The following ANO1 variants were observed in gnomAD, a reference collection of about 807,000 sequenced individuals.
The protein encoded by ANO1 is anoctamin 1, also known as anoctamin-1.
Under a neutral mutation model 124.0 loss-of-function variants are expected in ANO1, and 59 were observed. The ratio of observed to expected loss-of-function variants is 0.48; its 90% CI spans 0.39 to 0.59. The LOEUF (loss-of-function observed/expected upper bound fraction) is 0.59. Ranked by LOEUF, ANO1 falls within the 20% of genes least tolerant of loss-of-function variation. ANO1 has a pLI of 0.00. For missense variants in ANO1, 1,059 were observed against 1,328.0 expected, an observed-to-expected ratio of 0.80 and a Z score of 3.15; for synonymous variants, 529 against 532.0, an observed-to-expected ratio of 0.99 and a Z score of 0.08.
intron 19 of ANO1, among the ~76,000 whole-genome samples, chr11:70,163,911 C>G (rs916536835): frequency 6.7e-6 from 1 of 149,894 alleles, no homozygotes; most frequent in Non-Finnish European, 1.5e-5. Context: ...GCACTTCATC[C>G]TGGGTGACAG....
chr11:70,181,847 C>T (rs2048941141), intron 23 of ANO1, among the ~76,000 whole-genome samples: 1 of 151,982 alleles, frequency 6.6e-6, no homozygotes, highest in African/African-American at 2.4e-5. Context: ...ACCTTCTAAG[C>T]TCTTTCCACA....
chr11:69,997,309 ACAGT>A (rs2120339146), intron 1 of ANO1, among the ~76,000 whole-genome samples: 1 of 151,176 alleles, frequency 6.6e-6, no homozygotes, highest in East Asian at 2.0e-4. Context: ...ATAAAATATT[ACAGT>A]CAGTTTATAT....
At chr11:70,054,961 G>A (rs1455626223) in intron 1 of ANO1, among the ~76,000 whole-genome samples, 1 of 152,140 alleles carries the variant, frequency 6.6e-6, no homozygotes, top group Non-Finnish European at 1.5e-5. Flanking sequence ...ATATTTTCAT[G>A]AAATCCAGTT....
intron 1 of ANO1, among the ~76,000 whole-genome samples, chr11:70,060,929 A>G (rs1253453476): frequency 6.6e-6 from 1 of 152,206 alleles, no homozygotes; most frequent in African/African-American, 2.4e-5. Flanking sequence ...GAATGGGGAA[A>G]AAACTTAGGG....
intron 22 of ANO1, among the ~76,000 whole-genome samples, chr11:70,171,378 TTG>T (rs1171040064): frequency 9.0e-6 from 1 of 111,308 alleles, no homozygotes; most frequent in Non-Finnish European, 2.0e-5. Context: ...CCTGTAGCAA[TTG>T]TGTGACCCCC....
intron 1 of ANO1, among the ~76,000 whole-genome samples, chr11:70,007,837 G>A (rs1856522611): frequency 6.6e-6 from 1 of 152,148 alleles, no homozygotes; most frequent in Non-Finnish European, 1.5e-5. Context: ...CCACTGCAGT[G>A]ACATTACTTT....
chr11:70,103,279 G>A, intron 3 of ANO1, 115 bp downstream of exon 3: 1 of 815,152 alleles, frequency 1.2e-6, no homozygotes, highest in South Asian at 1.8e-5. Flanking sequence ...AAAAAACCCA[G>A]TGGGCTTCAC....
chr11:70,079,674 C>G (rs867470083), intron 1 of ANO1, among the ~76,000 whole-genome samples: 17 of 152,118 alleles, frequency 1.1e-4, no homozygotes, highest in African/African-American at 3.6e-4. Flanking sequence ...CATGCAGACC[C>G]CATCAAAGCC....
intron 18 of ANO1, 96 bp from the exon 19 acceptor site, chr11:70,163,187 C>T: frequency 7.6e-7 from 1 of 1,316,200 alleles, no homozygotes; most frequent in South Asian, 1.4e-5. Context: ...GCTCAGCCTG[C>T]AGGACTCACA....
chr11:70,071,586 G>GA (rs1555009288), intron 1 of ANO1, among the ~76,000 whole-genome samples: 2 of 151,578 alleles, frequency 1.3e-5, no homozygotes, highest in Admixed American at 6.6e-5. Flanking sequence ...TATGTAGTTG[G>GA]AAAAAAGAGA....
intron 2 of ANO1, among the ~76,000 whole-genome samples, chr11:70,091,162 T>A (rs2044611205): frequency 6.6e-6 from 1 of 152,200 alleles, no homozygotes; most frequent in Non-Finnish European, 1.5e-5. Flanking sequence ...GCCGTGTTCA[T>A]TTCAGGGGGA....
intron 10 of ANO1, among the ~76,000 whole-genome samples, chr11:70,127,056 C>T (rs1456944292): frequency 1.5e-5 from 2 of 131,428 alleles, no homozygotes; most frequent in African/African-American, 2.7e-5. Context: ...CTAGAGGCCT[C>T]GGTGCAGGCT....
chr11:70,085,196 A>C (rs897976660), intron 1 of ANO1, among the ~76,000 whole-genome samples: 2 of 152,122 alleles, frequency 1.3e-5, no homozygotes, highest in African/African-American at 4.8e-5. Context: ...CTCCTGCAGA[A>C]GGAATGCAGG....
chr11:70,159,442 T>C (rs1434770740), intron 16 of ANO1, among the ~76,000 whole-genome samples: 3 of 152,200 alleles, frequency 2.0e-5, no homozygotes, highest in Non-Finnish European at 4.4e-5. Flanking sequence ...GATAGGGAAG[T>C]AGCCGGCTCT....
At chr11:70,107,403 G>C (rs985223146) in intron 5 of ANO1, among the ~76,000 whole-genome samples, 11 of 151,796 alleles carry the variant, frequency 7.2e-5, no homozygotes, top group Non-Finnish European at 1.5e-4. Context: ...AGCCAGGGCG[G>C]AGGCCCTGTG....
intron 12 of ANO1, among the ~76,000 whole-genome samples, chr11:70,150,843 C>A (rs1470556985): frequency 6.6e-6 from 1 of 152,080 alleles, no homozygotes; most frequent in Non-Finnish European, 1.5e-5. Context: ...CTTTTAAAGG[C>A]CTTTTTTCTT....
intron 16 of ANO1, 141 bp from the exon 17 acceptor site, chr11:70,161,020 G>T: frequency 2.6e-6 from 2 of 769,184 alleles, no homozygotes; most frequent in Non-Finnish European, 4.1e-6. Flanking sequence ...CATTTGGCAG[G>T]TGCCCAAGAA....
intron 11 of ANO1, among the ~76,000 whole-genome samples, chr11:70,146,908 T>C (rs1467207295): frequency 1.3e-5 from 2 of 152,212 alleles, no homozygotes; most frequent in Non-Finnish European, 2.9e-5. Flanking sequence ...CTAGCCACAC[T>C]GGCAGCAGAG....
chr11:69,974,572 C>T, the ANO1 span, among the ~76,000 whole-genome samples: 2 of 152,234 alleles, frequency 1.3e-5, no homozygotes, highest in Non-Finnish European at 2.9e-5. Flanking sequence ...ACCTCATGCT[C>T]TTGGCCCTGA....
Sources: allele counts gnomAD v4.1 joint callset (sites outside exome capture counted in the v4.1 genomes callset), GRCh38; gene constraint gnomAD v4.1.1; transcripts MANE v1.5; gene names NCBI Gene and HGNC (gene_info 2026-07-23, HGNC 2026-07-21).